KAZN: variants seen among roughly 807,000 people sequenced by gnomAD.
The protein encoded by KAZN is kazrin.
KAZN carries 40 observed loss-of-function variants against 87.4 expected under a neutral mutation model. That is an observed-to-expected ratio of 0.46 (90% CI 0.36 to 0.60). The LOEUF (loss-of-function observed/expected upper bound fraction) is 0.60, where lower values mean the gene tolerates loss of function less well. Ranked by LOEUF, KAZN falls within the 20% of genes least tolerant of loss-of-function variation. The pLI, the probability that KAZN is intolerant of heterozygous loss-of-function variation, is 0.00. For missense variants in KAZN, 898 were observed against 1,073.9 expected (o/e 0.84, Z 2.29); for synonymous variants, 466 against 458.3 (o/e 1.02, Z -0.22).
At chr1:13,938,653 T>C (rs1294735074) in intron 1 of KAZN, among the ~76,000 whole-genome samples, 1 of 152,166 alleles carries the variant, frequency 6.6e-6, no homozygotes, top group Non-Finnish European at 1.5e-5. Flanking sequence ...AAACGTGGGA[T>C]TGGAGGCCTC....
intron 1 of KAZN, among the ~76,000 whole-genome samples, chr1:14,784,454 A>G (rs1645444815): frequency 6.6e-6 from 1 of 152,142 alleles, no homozygotes; most frequent in Non-Finnish European, 1.5e-5. Context: ...TGGCACCATA[A>G]GCAGCACCCA....
chr1:14,958,135 G>A (rs934298211), intron 1 of KAZN, among the ~76,000 whole-genome samples: 8 of 152,186 alleles, frequency 5.3e-5, no homozygotes, highest in South Asian at 2.1e-4. Context: ...GGCTCTGCCC[G>A]CTCAGCCTCG....
At chr1:14,476,117 A>G (rs921736750) in intron 2 of KAZN, among the ~76,000 whole-genome samples, 25 of 152,210 alleles carry the variant, frequency 1.6e-4, no homozygotes, top group Non-Finnish European at 3.4e-4. Context: ...TGTGGCACGT[A>G]CAGCACAGGT....
At chr1:14,164,123 C>G (rs1645768868) in intron 1 of KAZN, among the ~76,000 whole-genome samples, 1 of 152,204 alleles carries the variant, frequency 6.6e-6, no homozygotes, top group South Asian at 2.1e-4. Flanking sequence ...TATTACTGCT[C>G]ATAAATTACC....
At chr1:14,644,699 G>A (rs1234412629) in intron 1 of KAZN, among the ~76,000 whole-genome samples, 1 of 152,258 alleles carries the variant, frequency 6.6e-6, no homozygotes, top group East Asian at 1.9e-4. Flanking sequence ...ATAGATGCTG[G>A]ACATTAGACC....
chr1:14,665,065 T>A (rs1639437544), intron 1 of KAZN, among the ~76,000 whole-genome samples: 1 of 152,174 alleles, frequency 6.6e-6, no homozygotes, highest in Non-Finnish European at 1.5e-5. Flanking sequence ...TGGTTCGATA[T>A]TTTTACATTT....
chr1:14,226,045 A>G (rs1309749690), intron 2 of KAZN, among the ~76,000 whole-genome samples: 1 of 152,158 alleles, frequency 6.6e-6, no homozygotes, highest in Non-Finnish European at 1.5e-5. Flanking sequence ...TGCACAGCAA[A>G]AAACAAAAAA....
chr1:14,773,647 T>G lies in KAZN; in HGVS notation c.226+174424T>G, dbSNP rs944468800. Among the ~76,000 whole-genome samples, 2 of 152,160 alleles carry G rather than the reference T, an allele frequency of 1.3e-5. No homozygotes were observed. The highest frequency in any genetic ancestry group is 2.9e-5 in the Non-Finnish European group (2 of 68,024). ...GCCACCCGGTTCTCCTTCTTCCTCT[T>G]CTAAAACACTGCAACCACCATAGCC... On this transcript the variant is annotated intron_variant, in intron 1 of 14. Coordinates refer to ENST00000376030, the MANE Select transcript of KAZN (RefSeq NM_201628.3). This position sits in a 1 kb window ranked among gnomAD's most constrained non-coding sequence, Gnocchi z 5.9.
At chr1:14,111,987 C>T (rs1478343608) in intron 1 of KAZN, among the ~76,000 whole-genome samples, 3 of 152,042 alleles carry the variant, frequency 2.0e-5, no homozygotes, top group Non-Finnish European at 4.4e-5. Flanking sequence ...ATCCACCCAC[C>T]TCGGCCTCCC....
intron 1 of KAZN, among the ~76,000 whole-genome samples, chr1:14,023,170 A>T (rs200333072): frequency 2.0e-5 from 3 of 151,954 alleles, no homozygotes; most frequent in Admixed American, 1.3e-4. Flanking sequence ...ATAATAATAA[A>T]AAAACAGCCA....
intron 1 of KAZN, among the ~76,000 whole-genome samples, chr1:14,722,482 A>C (rs1468981438): frequency 6.6e-6 from 1 of 152,246 alleles, no homozygotes; most frequent in Admixed American, 6.5e-5. Flanking sequence ...GATGAGAAGA[A>C]ATATACATTC....
chr1:14,841,853 T>C (rs1006176298), intron 1 of KAZN, among the ~76,000 whole-genome samples: 1 of 152,234 alleles, frequency 6.6e-6, no homozygotes, highest in Non-Finnish European at 1.5e-5. Flanking sequence ...TCATCTTTTC[T>C]ACTCATCTCT....
At chr1:14,900,711 G>A (rs951968548) in intron 1 of KAZN, among the ~76,000 whole-genome samples, 10 of 147,420 alleles carry the variant, frequency 6.8e-5, no homozygotes, top group South Asian at 6.5e-4. Context: ...CCGAGATCGC[G>A]CCACTGCACT....
intron 2 of KAZN, among the ~76,000 whole-genome samples, chr1:14,192,027 G>T (rs895267249): frequency 6.6e-6 from 1 of 152,138 alleles, no homozygotes; most frequent in African/African-American, 2.4e-5. Flanking sequence ...CAGCTGCAAG[G>T]GAATTTTTAG....
At chr1:15,002,833 T>C (rs974789105) in intron 2 of KAZN, among the ~76,000 whole-genome samples, 2 of 151,522 alleles carry the variant, frequency 1.3e-5, no homozygotes, top group African/African-American at 4.9e-5. Flanking sequence ...AAAATTAGCC[T>C]GGTATGGTGG....
At chr1:14,721,730 A>T (rs1643118755) in intron 1 of KAZN, among the ~76,000 whole-genome samples, 1 of 152,184 alleles carries the variant, frequency 6.6e-6, no homozygotes, top group South Asian at 2.1e-4. Context: ...TCTATATAAG[A>T]CCACCTAGTG....
At chr1:14,529,022 G>T (rs528862900) in intron 2 of KAZN, among the ~76,000 whole-genome samples, 1 of 151,564 alleles carries the variant, frequency 6.6e-6, no homozygotes, top group Non-Finnish European at 1.5e-5. Context: ...ATTGTCTTTC[G>T]GCCCGGCGCG....
At chr1:14,166,253 T>G (rs542100478) in intron 1 of KAZN, among the ~76,000 whole-genome samples, 1 of 152,196 alleles carries the variant, frequency 6.6e-6, no homozygotes, top group African/African-American at 2.4e-5. Flanking sequence ...CGGCAGAGGC[T>G]GCAGTGAGCT....
intron 1 of KAZN, among the ~76,000 whole-genome samples, chr1:14,030,122 C>G (rs1219676323): frequency 4.0e-5 from 6 of 151,008 alleles, no homozygotes; most frequent in Admixed American, 2.0e-4. Flanking sequence ...GAATGTTCTT[C>G]CATTTGTTTG....
Sources: gnomAD v4.1 joint callset for allele counts (sites outside exome capture counted in the v4.1 genomes callset) on GRCh38, gnomAD v4.1.1 for gene constraint, Gnocchi (gnomAD v3.1) non-coding constraint, MANE v1.5 for transcripts, NCBI Gene and HGNC (gene_info 2026-07-23, HGNC 2026-07-21) for gene names.